The following MPHOSPH9 variants were observed in gnomAD, a reference collection of about 807,000 sequenced individuals.
MPHOSPH9 encodes the protein M-phase phosphoprotein 9.
A neutral mutation model predicts 145.5 loss-of-function variants in MPHOSPH9; 88 were observed. The observed-to-expected ratio is 0.60, with a 90% confidence interval of 0.51 to 0.72. The LOEUF is 0.72. MPHOSPH9 is among the 30% of genes least tolerant of loss of function. The pLI is 0.00. For synonymous variants in MPHOSPH9, 435 were observed against 486.2 expected (o/e 0.89, Z 1.39); for missense variants, 1,238 against 1,386.6 (o/e 0.89, Z 1.70).
chr12:123,210,512 G>T (rs2046655178), intron 7 of MPHOSPH9, among the ~76,000 whole-genome samples: 1 of 151,952 alleles, frequency 6.6e-6, no homozygotes, highest in Non-Finnish European at 1.5e-5. Flanking sequence ...GGCCAACGTG[G>T]TGAAGCCCCA....
At chr12:123,180,045 A>G (rs958785875) in intron 14 of MPHOSPH9, 55 bp from the exon 15 acceptor site, 1 of 960,578 alleles carries the variant, frequency 1.0e-6, no homozygotes, top group African/African-American at 1.7e-5. Flanking sequence ...CACATGAATT[A>G]TTTTAAAATG....
At chr12:123,180,379 T>C (rs546656839) in intron 14 of MPHOSPH9, among the ~76,000 whole-genome samples, 49 of 152,324 alleles carry the variant, frequency 3.2e-4, no homozygotes, top group African/African-American at 9.6e-4. Flanking sequence ...TATGCAGGCC[T>C]TTTTGCTGAG....
At chr12:123,193,097 AT>A (rs1239287433) in intron 13 of MPHOSPH9, among the ~76,000 whole-genome samples, 49 of 41,098 alleles carry the variant, frequency 1.2e-3, no homozygotes, top group African/African-American at 3.1e-3. Flanking sequence ...AAAAAAAAAA[AT>A]ATATATATAT....
At chr12:123,202,516 G>A in intron 10 of MPHOSPH9, 108 bp downstream of exon 10, 1 of 1,263,516 alleles carries the variant, frequency 7.9e-7, no homozygotes, top group Non-Finnish European at 1.1e-6. Flanking sequence ...TCTTAAAAAT[G>A]CTAAATCTCT....
intron 16 of MPHOSPH9, among the ~76,000 whole-genome samples, chr12:123,171,362 G>T (rs750577327): frequency 2.6e-5 from 4 of 152,202 alleles, no homozygotes; most frequent in Admixed American, 6.5e-5. Flanking sequence ...GCTGAGGTGG[G>T]AGAATCGTTG....
chr12:123,237,594 A>G (rs1460490246), upstream of MPHOSPH9, among the ~76,000 whole-genome samples: 1 of 152,190 alleles, frequency 6.6e-6, no homozygotes, highest in Non-Finnish European at 1.5e-5. Context: ...CCGTCCGCCA[A>G]AATCAAAGAC....
At chr12:123,239,104 A>G (rs2047892367) in intron 1 of MPHOSPH9, among the ~76,000 whole-genome samples, 1 of 152,190 alleles carries the variant, frequency 6.6e-6, no homozygotes, top group Non-Finnish European at 1.5e-5. Context: ...CCCCGTCTCT[A>G]CAAAAAATCC....
intron 3 of MPHOSPH9, 52 bp downstream of exon 3, chr12:123,227,409 GTA>G: frequency 1.6e-6 from 2 of 1,263,728 alleles, no homozygotes; most frequent in Non-Finnish European, 2.1e-6. Context: ...TTTAGTAGAG[GTA>G]TGTTTTAACA....
intron 8 of MPHOSPH9, among the ~76,000 whole-genome samples, chr12:123,209,558 C>T (rs1178539876): frequency 6.6e-6 from 1 of 151,748 alleles, no homozygotes; most frequent in African/African-American, 2.4e-5. Context: ...CAGGCACACG[C>T]CACCAAGTCT....
Position 123,162,525 on chromosome 12 carries a change from G to A in MPHOSPH9, c.3030-307C>T, listed in dbSNP as rs892431732. ...AGAAGAGGAAACTGAGGTTCAATGT[G>A]CTTAACTCATCTCCGCAAGAGCCTG... On this transcript the variant is annotated intron_variant, in intron 20 of 23. Coordinates refer to ENST00000606320, the MANE Select transcript of MPHOSPH9 (RefSeq NM_022782.4). 5 of 193,840 alleles carry A rather than the reference G, an allele frequency of 2.6e-5. No homozygotes were observed. In the Admixed American group the frequency reaches 3.0e-4, roughly 12 times the overall value. The allele number at this position is 193,840 out of a possible 1,614,324, so 12.0% of individuals were successfully genotyped here.
At chr12:123,168,037 G>A (rs952210300) in intron 16 of MPHOSPH9, among the ~76,000 whole-genome samples, 5 of 152,030 alleles carry the variant, frequency 3.3e-5, no homozygotes, top group East Asian at 3.9e-4. Flanking sequence ...TCTGCCTCCC[G>A]CCCTCAAGCT....
intron 7 of MPHOSPH9, among the ~76,000 whole-genome samples, chr12:123,211,053 C>T (rs1291125315): frequency 1.4e-5 from 2 of 144,898 alleles, no homozygotes; most frequent in Admixed American, 7.1e-5. Flanking sequence ...GGCACGAGCT[C>T]GGCTCACTGC....
intron 1 of MPHOSPH9, among the ~76,000 whole-genome samples, chr12:123,243,545 A>C (rs2138762792): frequency 6.6e-6 from 1 of 150,492 alleles, no homozygotes; most frequent in East Asian, 1.9e-4. Context: ...AAAAAAAAAA[A>C]AATACAAAAA....
intron 11 of MPHOSPH9, 149 bp from the exon 12 acceptor site, chr12:123,198,483 C>A (rs1391625062): frequency 6.0e-6 from 4 of 669,206 alleles, no homozygotes; most frequent in African/African-American, 5.5e-5. Context: ...TAGAATATAG[C>A]CCAATGAATC....
At chr12:123,236,436 A>C (rs562380935), upstream of MPHOSPH9, among the ~76,000 whole-genome samples, 84 of 152,158 alleles carry the variant, frequency 5.5e-4, no homozygotes, top group African/African-American at 1.8e-3. Context: ...TCTACAAAAA[A>C]TTAAAAACTA....
intron 8 of MPHOSPH9, 48 bp from the exon 9 acceptor site, chr12:123,203,423 A>T: frequency 1.4e-6 from 2 of 1,460,082 alleles, no homozygotes; most frequent in Non-Finnish European, 9.3e-7. Context: ...TAATGAAACA[A>T]ATTAATGATA....
At chr12:123,169,234 G>A (rs1293084913) in intron 16 of MPHOSPH9, among the ~76,000 whole-genome samples, 4 of 149,716 alleles carry the variant, frequency 2.7e-5, no homozygotes, top group Admixed American at 6.7e-5. Flanking sequence ...AGTGGCTCAT[G>A]CCTATAATCC....
intron 7 of MPHOSPH9, among the ~76,000 whole-genome samples, chr12:123,212,460 CGGGCAGATCACCTGAGGT>C (rs979223491): frequency 3.3e-5 from 5 of 151,668 alleles, no homozygotes; most frequent in African/African-American, 1.2e-4. Flanking sequence ...GAGGCTGAGG[CGGGCAGATCACCTGAGGT>C]GGGCAGATCA....
Position 123,163,255 on chromosome 12 carries a change from G to A in MPHOSPH9, c.2909-121C>T. 2.7e-6 allele frequency: 3 copies of A among 1,102,456 alleles called. No homozygotes were observed. The South Asian group carries it at 5.3e-5, about 20-fold the overall frequency. 68.3% of individuals were successfully genotyped at this position (1,102,456 alleles called of 1,614,324 possible). A position where few individuals can be genotyped will look rare whatever the true frequency, so the allele number is the denominator to read the frequency against. ...ATATAATTTCAACGTAAAACTTTGA[G>A]AGAGAAATAAGAGTGTACAAAAAAA... is the stretch of plus-strand genomic sequence containing the variant. On this transcript the variant is annotated intron_variant, in intron 19 of 23. Transcript: ENST00000606320.
Sources: allele counts gnomAD v4.1 joint callset (sites outside exome capture counted in the v4.1 genomes callset), GRCh38; gene constraint gnomAD v4.1.1; transcripts MANE v1.5; gene names NCBI Gene and HGNC (gene_info 2026-07-23, HGNC 2026-07-21).